SPIRE1: variants seen among roughly 807,000 people sequenced by gnomAD.
SPIRE1 encodes protein spire homolog 1.
Under a neutral mutation model 94.1 loss-of-function variants are expected in SPIRE1, and 40 were observed. That is an observed-to-expected ratio of 0.43 (90% CI 0.33 to 0.55). The LOEUF is 0.55. SPIRE1 is among the 20% of genes least tolerant of loss of function. The probability of loss-of-function intolerance (pLI) is 0.06; values close to 1 mark genes in which losing one functional copy is unlikely to be tolerated. For missense variants in SPIRE1, 838 were observed against 975.2 expected (o/e 0.86, Z 1.87); for synonymous variants, 376 against 371.7 (o/e 1.01, Z -0.13).
intron 3 of SPIRE1, among the ~76,000 whole-genome samples, chr18:12,546,373 C>A (rs953189147): frequency 6.6e-6 from 1 of 152,136 alleles, no homozygotes. Context: ...TGGCTCATTT[C>A]TGTAATCCCA....
intron 1 of SPIRE1, among the ~76,000 whole-genome samples, chr18:12,656,140 C>G (rs1461859241): frequency 6.6e-6 from 1 of 152,182 alleles, no homozygotes; most frequent in Non-Finnish European, 1.5e-5. Context: ...CTCAGGTGAT[C>G]CACCTGCCTC....
chr18:12,519,089 T>G (rs527950087), intron 4 of SPIRE1, among the ~76,000 whole-genome samples: 2 of 152,186 alleles, frequency 1.3e-5, no homozygotes, highest in South Asian at 4.1e-4. Context: ...CCCTGAGGGG[T>G]GGATGGTGGC....
chr18:12,656,998 T>C (rs1233013633), intron 1 of SPIRE1, among the ~76,000 whole-genome samples: 2 of 152,270 alleles, frequency 1.3e-5, no homozygotes, highest in African/African-American at 2.4e-5. Flanking sequence ...CATCTTTACA[T>C]TTCCGAACCG....
chr18:12,655,695 C>CAA (rs11431148), intron 1 of SPIRE1, among the ~76,000 whole-genome samples: 5 of 150,110 alleles, frequency 3.3e-5, no homozygotes, highest in East Asian at 3.9e-4. Context: ...AGATTCAGAC[C>CAA]AAAAAAAAAG....
At chr18:12,627,586 C>G (rs557186786) in intron 2 of SPIRE1, among the ~76,000 whole-genome samples, 17 of 152,258 alleles carry the variant, frequency 1.1e-4, no homozygotes, top group African/African-American at 4.1e-4. Context: ...GTAATGGGAT[C>G]ACTAGGTCAA....
At chr18:12,595,332 G>C (rs944332464) in intron 2 of SPIRE1, among the ~76,000 whole-genome samples, 1 of 151,998 alleles carries the variant, frequency 6.6e-6, no homozygotes, top group Non-Finnish European at 1.5e-5. Context: ...AATAATACAG[G>C]ATATAACACA....
intron 4 of SPIRE1, among the ~76,000 whole-genome samples, chr18:12,515,399 C>A (rs570737301): frequency 8.6e-5 from 13 of 151,988 alleles, no homozygotes; most frequent in Non-Finnish European, 1.6e-4. Flanking sequence ...GCCTGTAGTC[C>A]CAGCTACTCA....
intron 2 of SPIRE1, among the ~76,000 whole-genome samples, chr18:12,571,450 A>G (rs770695308): frequency 5.1e-4 from 77 of 152,262 alleles, no homozygotes; most frequent in Non-Finnish European, 8.5e-4. Flanking sequence ...ACACATTATC[A>G]TGCCCAGACC....
intron 3 of SPIRE1, among the ~76,000 whole-genome samples, chr18:12,536,965 G>T (rs774260262): frequency 7.9e-5 from 12 of 152,050 alleles, no homozygotes; most frequent in Non-Finnish European, 1.2e-4. Context: ...ATCAATTAAA[G>T]AATAAATGAC....
At chr18:12,513,664 C>T (rs1283407137) in intron 4 of SPIRE1, among the ~76,000 whole-genome samples, 3 of 151,788 alleles carry the variant, frequency 2.0e-5, no homozygotes, top group Non-Finnish European at 4.4e-5. Context: ...GCTAGGAGTA[C>T]AGGCATGCGC....
chr18:12,638,131 C>T (rs1484810629), intron 1 of SPIRE1, among the ~76,000 whole-genome samples: 21 of 152,276 alleles, frequency 1.4e-4, no homozygotes, highest in Admixed American at 1.3e-3. Context: ...AATGATCTTG[C>T]TCAATCCATT....
chr18:12,646,314 T>G (rs555227791), intron 1 of SPIRE1, among the ~76,000 whole-genome samples: 2 of 152,274 alleles, frequency 1.3e-5, no homozygotes, highest in African/African-American at 4.8e-5. Context: ...TTCTCTGGGC[T>G]CTCATAGTTT....
chr18:12,626,812 T>A (rs1230282382), intron 2 of SPIRE1, among the ~76,000 whole-genome samples: 2 of 150,908 alleles, frequency 1.3e-5, no homozygotes, highest in African/African-American at 4.9e-5. Flanking sequence ...TTCATACATT[T>A]GCTGTGATGA....
At chr18:12,562,393 T>C (rs2035710547) in intron 2 of SPIRE1, among the ~76,000 whole-genome samples, 1 of 152,204 alleles carries the variant, frequency 6.6e-6, no homozygotes, top group African/African-American at 2.4e-5. Context: ...CAAGTGATCC[T>C]CCCATCTCAG....
chr18:12,619,319 T>G (rs1430412168), intron 2 of SPIRE1, among the ~76,000 whole-genome samples: 1 of 151,736 alleles, frequency 6.6e-6, no homozygotes, highest in East Asian at 2.0e-4. Flanking sequence ...CCATCCTGGC[T>G]AACACGGTGA....
chr18:12,654,516 A>G (rs770411844), intron 1 of SPIRE1, among the ~76,000 whole-genome samples: 8 of 151,036 alleles, frequency 5.3e-5, no homozygotes, highest in Non-Finnish European at 7.4e-5. Context: ...GCATGGTGGC[A>G]GGCATCTTTA....
At chr18:12,551,489 C>T (rs377121585) in intron 2 of SPIRE1, among the ~76,000 whole-genome samples, 1 of 151,968 alleles carries the variant, frequency 6.6e-6, no homozygotes, top group Non-Finnish European at 1.5e-5. Flanking sequence ...ATCACGAGGT[C>T]GGGAGATTGA....
intron 2 of SPIRE1, among the ~76,000 whole-genome samples, chr18:12,591,086 AT>A (rs2036521836): frequency 1.3e-5 from 2 of 152,262 alleles, no homozygotes; most frequent in South Asian, 4.1e-4. Context: ...TATGAAAAAA[AT>A]AACATCAAAT....
intron 2 of SPIRE1, among the ~76,000 whole-genome samples, chr18:12,547,639 T>C (rs541268116): frequency 6.6e-6 from 1 of 152,196 alleles, no homozygotes; most frequent in Non-Finnish European, 1.5e-5. Context: ...TGTCTCTCTC[T>C]CTCTCTCTAA....
Sources: gnomAD v4.1 joint callset for allele counts (sites outside exome capture counted in the v4.1 genomes callset) on GRCh38, gnomAD v4.1.1 for gene constraint, MANE v1.5 for transcripts, NCBI Gene and HGNC (gene_info 2026-07-23, HGNC 2026-07-21) for gene names.